The following HACE1 variants were observed in gnomAD, a reference collection of about 807,000 sequenced individuals.
HACE1 encodes the protein HECT domain and ankyrin repeat containing E3 ubiquitin protein ligase 1.
A neutral mutation model predicts 118.4 loss-of-function variants in HACE1; 73 were observed. The ratio of observed to expected loss-of-function variants is 0.62; its 90% CI spans 0.51 to 0.75. The LOEUF (loss-of-function observed/expected upper bound fraction) is 0.75, where lower values mean the gene tolerates loss of function less well. HACE1 is among the 30% of genes least tolerant of loss of function. The probability of loss-of-function intolerance (pLI) is 0.00; values close to 1 mark genes in which losing one functional copy is unlikely to be tolerated. For synonymous variants in HACE1, 368 were observed against 374.8 expected, an observed-to-expected ratio of 0.98 and a Z score of 0.21; for missense variants, 749 against 1,102.2, an observed-to-expected ratio of 0.68 and a Z score of 4.54.
Position 104,792,846 on chromosome 6 carries a change from C to T in HACE1, c.924-1192G>A, listed in dbSNP as rs187008645. On this transcript the variant is annotated intron_variant, in intron 10 of 23. Coordinates refer to ENST00000262903, the MANE Select transcript of HACE1 (RefSeq NM_020771.4). ...AAGCTGTGATCAATCAAGCAGCTGACCAATCATTTGCTCCTCCTCCCTGCT... is the reference window on the plus strand; with the variant it reads ...AAGCTGTGATCAATCAAGCAGCTGATCAATCATTTGCTCCTCCTCCCTGCT... Among the ~76,000 whole-genome samples, 30 of 152,268 alleles carry T rather than the reference C, an allele frequency of 2.0e-4. No individual in the cohort carries two copies. In the East Asian group the frequency reaches 5.6e-3, roughly 28 times the overall value.
At chr6:104,763,609 G>A (rs62419353) in intron 19 of HACE1, among the ~76,000 whole-genome samples, 2 of 151,834 alleles carry the variant, frequency 1.3e-5, no homozygotes, top group African/African-American at 4.8e-5. Context: ...AAAAAAAGGG[G>A]CATACCATTA....
At chr6:104,786,029 C>T (rs1782353808) in intron 11 of HACE1, 1 of 152,038 alleles carries the variant, frequency 6.6e-6, no homozygotes, top group Non-Finnish European at 1.5e-5. Context: ...AATTACCAAA[C>T]TTCTATTAAA....
intron 19 of HACE1, among the ~76,000 whole-genome samples, chr6:104,755,980 C>T (rs1375925265): frequency 6.6e-6 from 1 of 152,034 alleles, no homozygotes; most frequent in Non-Finnish European, 1.5e-5. Flanking sequence ...TCAAAAAATT[C>T]AATGAATCCA....
At chr6:104,745,507 C>T (rs915413367) in intron 20 of HACE1, among the ~76,000 whole-genome samples, 28 of 140,636 alleles carry the variant, frequency 2.0e-4, no homozygotes, top group African/African-American at 7.5e-4. Flanking sequence ...AGTGCAGTGG[C>T]GCGGCTCACT....
In HACE1 at chr6:104,795,610, C is replaced by A; in HGVS notation, c.892G>T (p.Val298Phe). The A allele has an allele frequency of 6.2e-7, 1 of 1,611,570 alleles. No homozygotes were observed. The highest frequency in any genetic ancestry group is 8.5e-7 in the Non-Finnish European group (1 of 1,177,754). ...YLKILTSLAE[V>F]ATTNGHKLLS... Reference sequence around the variant, plus strand: ...AGTTTATGACCATTTGTTGTAGCAACTTCAGCAAGGCTTGTTAGAATCTTT... The same window carrying A: ...AGTTTATGACCATTTGTTGTAGCAAATTCAGCAAGGCTTGTTAGAATCTTT... Residue 298 changes from valine to phenylalanine, a missense_variant, in exon 10 of 24, where the codon GTT becomes TTT. This residue lies in a region of HACE1 where 267 missense variants were observed against 312.2 expected (regional missense o/e 0.86). Coordinates refer to ENST00000262903, the MANE Select transcript of HACE1 (RefSeq NM_020771.4).
chr6:104,820,194 CAAAAAAA>C (rs60172674), intron 6 of HACE1, among the ~76,000 whole-genome samples: 2 of 58,880 alleles, frequency 3.4e-5, no homozygotes, highest in Non-Finnish European at 7.7e-5. Context: ...GACTCCGTCT[CAAAAAAA>C]AAAAAAAAAA....
intron 6 of HACE1, among the ~76,000 whole-genome samples, chr6:104,813,335 T>C (rs1303029682): frequency 7.3e-6 from 1 of 137,434 alleles, no homozygotes; most frequent in Admixed American, 7.2e-5. Context: ...AACAAAATTT[T>C]AAAATTAGCC....
chr6:104,737,423 C>T (rs530004432), intron 22 of HACE1, among the ~76,000 whole-genome samples: 3 of 152,034 alleles, frequency 2.0e-5, no homozygotes, highest in African/African-American at 7.2e-5. Flanking sequence ...GTACCGGGTT[C>T]ATCTCATTAG....
At chr6:104,742,755 G>A (rs1222607506) in intron 22 of HACE1, among the ~76,000 whole-genome samples, 3 of 151,888 alleles carry the variant, frequency 2.0e-5, no homozygotes, top group Non-Finnish European at 2.9e-5. Context: ...TCAGTGTGGC[G>A]ATTCCTCAGG....
At chr6:104,814,375 G>A (rs1771908110) in intron 6 of HACE1, among the ~76,000 whole-genome samples, 1 of 137,624 alleles carries the variant, frequency 7.3e-6, no homozygotes, top group Non-Finnish European at 1.6e-5. Flanking sequence ...AAATCTAAAA[G>A]GTAAAAAGCC....
At chr6:104,844,388 G>C (rs1006734450) in intron 4 of HACE1, among the ~76,000 whole-genome samples, 1 of 145,276 alleles carries the variant, frequency 6.9e-6, no homozygotes, top group African/African-American at 2.6e-5. Flanking sequence ...TTGTTGCCCA[G>C]GCTGGAGTGC....
intron 14 of HACE1, among the ~76,000 whole-genome samples, chr6:104,779,068 G>A (rs551747317): frequency 3.3e-5 from 5 of 152,272 alleles, no homozygotes; most frequent in African/African-American, 1.2e-4. Flanking sequence ...TTGGAGACAG[G>A]ATAAGGTTCA....
At chr6:104,744,649 A>AG (rs776559313) in intron 20 of HACE1, 39 bp from the exon 21 acceptor site, 1 of 1,171,040 alleles carries the variant, frequency 8.5e-7, no homozygotes, top group East Asian at 2.4e-5. Flanking sequence ...AATTTTCTTT[A>AG]GGGAAAAAAG....
chr6:104,790,909 T>C (rs1156633850), intron 11 of HACE1, among the ~76,000 whole-genome samples: 45 of 152,188 alleles, frequency 3.0e-4, no homozygotes, highest in Admixed American at 2.6e-3. Flanking sequence ...TAATTTAACA[T>C]GAGTAGCAAA....
intron 6 of HACE1, 85 bp downstream of exon 6, chr6:104,832,957 C>A: frequency 8.0e-7 from 1 of 1,257,362 alleles, no homozygotes; most frequent in Non-Finnish European, 1.2e-6. Flanking sequence ...TTCATGTTCC[C>A]AAATATGCAC....
At chr6:104,768,091 T>C (rs988279123) in intron 19 of HACE1, among the ~76,000 whole-genome samples, 1 of 152,230 alleles carries the variant, frequency 6.6e-6, no homozygotes, top group Non-Finnish European at 1.5e-5. Flanking sequence ...CCTATATTGC[T>C]TGTATTTATT....
At chr6:104,846,807 T>C (rs1441122891) in intron 4 of HACE1, among the ~76,000 whole-genome samples, 1 of 152,206 alleles carries the variant, frequency 6.6e-6, no homozygotes, top group East Asian at 1.9e-4. Context: ...CTCAAGTCAC[T>C]TAGCAAACAT....
chr6:104,808,669 C>T (rs184579442), intron 7 of HACE1, among the ~76,000 whole-genome samples: 134 of 152,198 alleles, frequency 8.8e-4, no homozygotes, highest in African/African-American at 1.7e-3. Flanking sequence ...TCCATTTAAC[C>T]TTTATCTTAG....
At position 104,796,692 on chromosome 6, in the gene HACE1, A is replaced by G. The variant is rs1769674916; in HGVS notation, c.779T>C (p.Ile260Thr). 2 of 1,585,468 alleles carry G rather than the reference A, an allele frequency of 1.3e-6. No individual in the cohort carries two copies. The highest frequency in any genetic ancestry group is 2.2e-5 in the East Asian group (1 of 44,638). The change falls in exon 9 of 24, where the codon ATT becomes ACT. Residue 260 changes from isoleucine to threonine, a missense_variant. Physicochemically the swap from Ile to Thr is moderately conservative, Grantham distance 89. Around this residue, in one of 5 missense-constraint regions of HACE1, gnomAD observed 267 missense variants for 312.2 expected, o/e 0.86. Transcript: ENST00000262903. ...GAGGTCTTCATTCTGTGTCATTTGA[A>G]TAATAGTCTGAAAAAGCCTCGGGTG... ...QYHPRLFQTI[I>T]QMTQNEDLRE...
Sources: gnomAD v4.1 joint callset for allele counts (sites outside exome capture counted in the v4.1 genomes callset) on GRCh38, gnomAD v4.1.1 for gene constraint, gnomAD v4.1.1 regional missense constraint, MANE v1.5 for transcripts, NCBI Gene and HGNC (gene_info 2026-07-23, HGNC 2026-07-21) for gene names.